Variants in TENM2 observed in about 807,000 individuals in gnomAD.
The protein encoded by TENM2 is teneurin-2.
Under a neutral mutation model 245.2 loss-of-function variants are expected in TENM2, and 52 were observed. The ratio of observed to expected loss-of-function variants is 0.21; its 90% CI spans 0.17 to 0.27. The LOEUF (loss-of-function observed/expected upper bound fraction) is 0.27, where lower values mean the gene tolerates loss of function less well. Ranked by LOEUF, TENM2 falls within the 10% of genes least tolerant of loss-of-function variation. The pLI is 1.00. For missense variants in TENM2, 3,046 were observed against 3,666.8 expected (o/e 0.83, Z 4.37); for synonymous variants, 1,363 against 1,438.9 (o/e 0.95, Z 1.19).
At chr5:168,129,095 T>G (rs992722379) in intron 12 of TENM2, 23 of 152,116 alleles carry the variant, frequency 1.5e-4, no homozygotes, top group African/African-American at 5.6e-4. Context: ...AGGGGTCTAC[T>G]CCAGATATCG....
the TENM2 span, among the ~76,000 whole-genome samples, chr5:167,116,132 A>G: frequency 4.6e-5 from 7 of 152,224 alleles, no homozygotes; most frequent in Non-Finnish European, 1.5e-5. Context: ...GGGATTGTAC[A>G]TGCAAGAGAT....
At chr5:168,210,504 G>T (rs1027570388) in intron 19 of TENM2, among the ~76,000 whole-genome samples, 1 of 152,036 alleles carries the variant, frequency 6.6e-6, no homozygotes, top group African/African-American at 2.4e-5. Context: ...ATATAAAATA[G>T]ACGCGAGAAT....
chr5:167,095,768 CTTT>C, the TENM2 span, among the ~76,000 whole-genome samples: 273 of 129,774 alleles, frequency 2.1e-3, 1 homozygote, highest in African/African-American at 7.2e-3. Context: ...GAAAGCCTTT[CTTT>C]TTTTTTTTTT....
intron 2 of TENM2, among the ~76,000 whole-genome samples, chr5:167,776,593 G>GAAAAAAAAAAAAAAAAAAAAAAA (rs869252752): frequency 5.6e-5 from 2 of 36,020 alleles, no homozygotes; most frequent in Non-Finnish European, 1.1e-4. Context: ...GACCCTGTCT[G>GAAAAAAAAAAAAAAAAAAAAAAA]AAAAAAAAAA....
At chr5:167,029,413 G>A in the TENM2 span, among the ~76,000 whole-genome samples, 2 of 152,188 alleles carry the variant, frequency 1.3e-5, no homozygotes, top group Non-Finnish European at 2.9e-5. Flanking sequence ...TAGTTAAGGT[G>A]AAATTGATGC....
the TENM2 span, among the ~76,000 whole-genome samples, chr5:167,160,516 G>A: frequency 2.0e-5 from 3 of 152,190 alleles, no homozygotes; most frequent in Non-Finnish European, 1.5e-5. Context: ...CCGCTTTGGC[G>A]GCCTCTGCAT....
At chr5:167,809,319 A>G (rs1013288835) in intron 2 of TENM2, among the ~76,000 whole-genome samples, 4 of 152,142 alleles carry the variant, frequency 2.6e-5, no homozygotes, top group Non-Finnish European at 5.9e-5. Context: ...AAATGGTCCC[A>G]TTTTTGAATC....
the TENM2 span, among the ~76,000 whole-genome samples, chr5:167,184,815 G>T: frequency 6.6e-6 from 1 of 152,126 alleles, no homozygotes; most frequent in Admixed American, 6.5e-5. Flanking sequence ...TGGGTGTAAA[G>T]GTGTAGAGCA....
chr5:168,124,206 T>C (rs1795681681), intron 10 of TENM2, among the ~76,000 whole-genome samples: 1 of 152,210 alleles, frequency 6.6e-6, no homozygotes, highest in African/African-American at 2.4e-5. Flanking sequence ...TGATCCCTTT[T>C]GGATCATTTT....
chr5:168,159,594 G>A (rs1485579080), intron 12 of TENM2, among the ~76,000 whole-genome samples: 1 of 152,236 alleles, frequency 6.6e-6, no homozygotes, highest in African/African-American at 2.4e-5. Context: ...GCCACCAGTA[G>A]AATGAACTTG....
At chr5:167,338,238 A>T (rs1448650745) in intron 1 of TENM2, among the ~76,000 whole-genome samples, 1 of 152,168 alleles carries the variant, frequency 6.6e-6, no homozygotes, top group Non-Finnish European at 1.5e-5. Context: ...CACAGGACTA[A>T]AGGGTTTTTG....
intron 3 of TENM2, among the ~76,000 whole-genome samples, chr5:167,887,441 G>T (rs1384846890): frequency 6.6e-6 from 1 of 152,314 alleles, no homozygotes; most frequent in Non-Finnish European, 1.5e-5. Context: ...TCAGATTTGG[G>T]CCTGTTGACT....
chr5:167,472,700 T>G (rs1295542278), intron 2 of TENM2, among the ~76,000 whole-genome samples: 1 of 152,166 alleles, frequency 6.6e-6, no homozygotes, highest in Non-Finnish European at 1.5e-5. Flanking sequence ...GAAGAAAAAT[T>G]AAAAGTTAGA....
intron 2 of TENM2, among the ~76,000 whole-genome samples, chr5:167,443,777 T>A (rs1290235990): frequency 6.6e-6 from 1 of 152,132 alleles, no homozygotes; most frequent in Non-Finnish European, 1.5e-5. Context: ...TAATTTATTA[T>A]TAAAATAATG....
chr5:168,155,775 TAAC>T (rs1757099464), intron 12 of TENM2, among the ~76,000 whole-genome samples: 1 of 151,788 alleles, frequency 6.6e-6, no homozygotes, highest in South Asian at 2.1e-4. Context: ...ATAGCTGTCA[TAAC>T]AACTATATAG....
chr5:167,679,234 T>C (rs1454650647), intron 2 of TENM2, among the ~76,000 whole-genome samples: 1 of 152,168 alleles, frequency 6.6e-6, no homozygotes, highest in Admixed American at 6.6e-5. Flanking sequence ...CTTCAAGATC[T>C]ACCTAGGAAT....
intron 2 of TENM2, among the ~76,000 whole-genome samples, chr5:167,626,590 G>T (rs933496379): frequency 5.9e-5 from 9 of 152,214 alleles, no homozygotes; most frequent in African/African-American, 2.2e-4. Flanking sequence ...ACTCAATCAT[G>T]AGTTCTAGGG....
the TENM2 span, among the ~76,000 whole-genome samples, chr5:167,031,867 T>C: frequency 6.6e-6 from 1 of 152,128 alleles, no homozygotes; most frequent in Non-Finnish European, 1.5e-5. Flanking sequence ...CCCAGCCTAT[T>C]TGAGTTTTTT....
At chr5:167,652,835 C>T (rs57724524) in intron 2 of TENM2, among the ~76,000 whole-genome samples, 6,579 of 152,198 alleles carry the variant, frequency 0.043, 510 homozygotes, top group African/African-American at 0.15. Flanking sequence ...CTCCCTCTTT[C>T]GCTTTTATTA....
Sources: gnomAD v4.1 joint callset for allele counts (sites outside exome capture counted in the v4.1 genomes callset) on GRCh38, gnomAD v4.1.1 for gene constraint, MANE v1.5 for transcripts, NCBI Gene and HGNC (gene_info 2026-07-23, HGNC 2026-07-21) for gene names.